Variants in FAM227A observed in about 807,000 individuals in gnomAD.
FAM227A encodes protein FAM227A.
A neutral mutation model predicts 74.7 loss-of-function variants in FAM227A; 80 were observed. The observed-to-expected ratio is 1.07, with a 90% confidence interval of 0.89 to 1.29. The LOEUF (loss-of-function observed/expected upper bound fraction) is 1.29, where lower values mean the gene tolerates loss of function less well. FAM227A is among the 50% of genes most tolerant of loss of function. The pLI, the probability that FAM227A is intolerant of heterozygous loss-of-function variation, is 0.00. For synonymous variants in FAM227A, 237 were observed against 241.8 expected (o/e 0.98, Z 0.19); for missense variants, 654 against 683.4 (o/e 0.96, Z 0.48).
At chr22:38,615,374 C>T (rs913154146) in intron 11 of FAM227A, among the ~76,000 whole-genome samples, 2 of 152,140 alleles carry the variant, frequency 1.3e-5, no homozygotes, top group Non-Finnish European at 2.9e-5. Flanking sequence ...CACATCAACC[C>T]AACAGGAAGA....
At chr22:38,590,707 C>T (rs955392129) in intron 16 of FAM227A, among the ~76,000 whole-genome samples, 1 of 152,180 alleles carries the variant, frequency 6.6e-6, no homozygotes, top group Admixed American at 6.5e-5. Context: ...AGAGGAAGTA[C>T]AAAATCATTA....
intron 11 of FAM227A, among the ~76,000 whole-genome samples, chr22:38,617,537 C>T (rs900046965): frequency 2.0e-5 from 3 of 152,086 alleles, no homozygotes; most frequent in Non-Finnish European, 2.9e-5. Flanking sequence ...CCTTGTAATC[C>T]GCCTGCCTTG....
At chr22:38,591,374 T>C in intron 16 of FAM227A, 61 bp downstream of exon 16, 27 of 1,531,960 alleles carry the variant, frequency 1.8e-5, no homozygotes, top group Non-Finnish European at 2.3e-5. Context: ...TTCACACTTC[T>C]ACCTTTCCCA....
intron 16 of FAM227A, among the ~76,000 whole-genome samples, chr22:38,586,878 C>T (rs1161078606): frequency 1.3e-5 from 2 of 151,666 alleles, no homozygotes; most frequent in Non-Finnish European, 2.9e-5. Flanking sequence ...CAGGGTTTCA[C>T]TATGTTGACC....
chr22:38,613,492 A>C (rs1011062699), intron 11 of FAM227A, among the ~76,000 whole-genome samples: 1 of 138,626 alleles, frequency 7.2e-6, no homozygotes, highest in Non-Finnish European at 1.5e-5. Flanking sequence ...TTGGACCCTG[A>C]CAATGCAGTT....
At chr22:38,641,974 T>TGTGC (rs1555973176) in intron 3 of FAM227A, among the ~76,000 whole-genome samples, 7,065 of 146,056 alleles carry the variant, frequency 0.048, 199 homozygotes, top group African/African-American at 0.083. Flanking sequence ...TGTGTGTGTG[T>TGTGC]GCGCACGTGT....
intron 11 of FAM227A, among the ~76,000 whole-genome samples, chr22:38,612,601 C>T (rs1028208018): frequency 6.6e-6 from 1 of 152,176 alleles, no homozygotes; most frequent in Non-Finnish European, 1.5e-5. Context: ...TAAGTTGCAG[C>T]TGGGGTGCAG....
chr22:38,642,875 G>T (rs968985683), intron 3 of FAM227A, among the ~76,000 whole-genome samples: 1 of 152,182 alleles, frequency 6.6e-6, no homozygotes, highest in African/African-American at 2.4e-5. Context: ...GGTGGAGGTT[G>T]CAGTGAGTCC....
intron 10 of FAM227A, among the ~76,000 whole-genome samples, chr22:38,622,873 C>CAAA (rs138871600): frequency 1.1e-4 from 5 of 45,146 alleles, no homozygotes; most frequent in Admixed American, 6.2e-4. Context: ...AAGACTGTCT[C>CAAA]AAAAAAAAAA....
intron 6 of FAM227A, among the ~76,000 whole-genome samples, chr22:38,629,841 T>C (rs2091881682): frequency 1.1e-4 from 1 of 8,742 alleles, no homozygotes; most frequent in Non-Finnish European, 1.9e-4. Context: ...GCCTCTCCTT[T>C]ACCATCAGGA....
chr22:38,636,107 C>A (rs202226810), intron 6 of FAM227A, among the ~76,000 whole-genome samples: 1 of 149,232 alleles, frequency 6.7e-6, no homozygotes, highest in African/African-American at 2.5e-5. Context: ...AAGAAGGAAA[C>A]AGAAAAGAAA....
At chr22:38,641,948 G>GGT (rs3042708) in intron 3 of FAM227A, among the ~76,000 whole-genome samples, 43,965 of 145,292 alleles carry the variant, frequency 0.3, 6,700 homozygotes, top group Admixed American at 0.4. Context: ...CTCCCGAAAA[G>GGT]GTGTGTGTGT....
chr22:38,586,414 G>C (rs1321740595), intron 16 of FAM227A, among the ~76,000 whole-genome samples: 3 of 152,030 alleles, frequency 2.0e-5, no homozygotes, highest in African/African-American at 7.3e-5. Context: ...TCTTTCACCA[G>C]TACTGACAGG....
At chr22:38,607,045 C>G (rs549101420) in intron 12 of FAM227A, among the ~76,000 whole-genome samples, 5 of 151,954 alleles carry the variant, frequency 3.3e-5, no homozygotes, top group African/African-American at 1.2e-4. Context: ...GGCGTGGTAG[C>G]GCACGCCTGT....
At chr22:38,601,197 A>G (rs1330795088) in intron 13 of FAM227A, among the ~76,000 whole-genome samples, 1 of 152,170 alleles carries the variant, frequency 6.6e-6, no homozygotes, top group Non-Finnish European at 1.5e-5. Context: ...GATATGATGA[A>G]TACTAATAAG....
At chr22:38,628,759 T>G in intron 7 of FAM227A, 75 bp downstream of exon 7, 1 of 908,686 alleles carries the variant, frequency 1.1e-6, no homozygotes, top group Non-Finnish European at 1.7e-6. Context: ...TTGTAGCTCA[T>G]GTCAAAGAGA....
chr22:38,648,305 TA>T (rs11351838), intron 2 of FAM227A, among the ~76,000 whole-genome samples: 40,621 of 125,814 alleles, frequency 0.32, 5,994 homozygotes, highest in Middle Eastern at 0.38. Context: ...TCAACTTGAT[TA>T]AAAAAAAAAA....
chr22:38,637,505 G>A (rs573811575), intron 5 of FAM227A, among the ~76,000 whole-genome samples: 68 of 152,276 alleles, frequency 4.5e-4, no homozygotes, highest in African/African-American at 1.6e-3. Context: ...TGGAAAATAG[G>A]AAACTAATTA....
At chr22:38,599,473 GAAT>G (rs2091124187) in intron 14 of FAM227A, among the ~76,000 whole-genome samples, 1 of 152,172 alleles carries the variant, frequency 6.6e-6, no homozygotes, top group Non-Finnish European at 1.5e-5. Flanking sequence ...ATATATGTTA[GAAT>G]ACCAAGTTAG....
Sources: gnomAD v4.1 joint callset for allele counts (sites outside exome capture counted in the v4.1 genomes callset) on GRCh38, gnomAD v4.1.1 for gene constraint, MANE v1.5 for transcripts, NCBI Gene and HGNC (gene_info 2026-07-23, HGNC 2026-07-21) for gene names.